OR2L13: variants seen among roughly 807,000 people sequenced by gnomAD.
OR2L13 encodes olfactory receptor 2L13.
OR2L13 carries 14 observed loss-of-function variants against 15.3 expected under a neutral mutation model. The observed-to-expected ratio is 0.91, with a 90% CI of 0.60 to 1.43. OR2L13 has a LOEUF of 1.43. Ranked by LOEUF, OR2L13 falls within the 40% of genes most tolerant of loss-of-function variation. The pLI, the probability that OR2L13 is intolerant of heterozygous loss-of-function variation, is 0.00. For missense variants in OR2L13, 367 were observed against 387.9 expected (o/e 0.95, Z 0.45); for synonymous variants, 152 against 142.9 (o/e 1.06, Z -0.45).
chr1:248,062,559 C>G, the OR2L13 span: 1 of 151,974 alleles, frequency 6.6e-6, no homozygotes, highest in African/African-American at 2.4e-5. Flanking sequence ...TGATGGTCAC[C>G]AGAGGGTGGG....
chr1:247,955,980 G>T, the OR2L13 span, among the ~76,000 whole-genome samples: 1 of 147,504 alleles, frequency 6.8e-6, no homozygotes, highest in African/African-American at 2.5e-5. Flanking sequence ...GGCTTTTGTT[G>T]CCATTGCTTT....
the OR2L13 span, among the ~76,000 whole-genome samples, chr1:247,989,333 T>C: frequency 6.6e-6 from 1 of 152,170 alleles, no homozygotes; most frequent in African/African-American, 2.4e-5. Flanking sequence ...GCTGCAGTTT[T>C]AAAGAATAAA....
chr1:247,960,216 G>A, the OR2L13 span, among the ~76,000 whole-genome samples: 2 of 152,188 alleles, frequency 1.3e-5, no homozygotes, highest in African/African-American at 4.8e-5. Context: ...TCCAGACCCT[G>A]TTTACCTGGG....
the OR2L13 span, among the ~76,000 whole-genome samples, chr1:247,994,224 C>T: frequency 3.9e-5 from 6 of 152,150 alleles, no homozygotes; most frequent in African/African-American, 7.2e-5. Flanking sequence ...GTGAAAACCC[C>T]GTCTCTACTA....
chr1:248,070,600 G>C, the OR2L13 span, among the ~76,000 whole-genome samples: 1 of 152,100 alleles, frequency 6.6e-6, no homozygotes, highest in South Asian at 2.1e-4. Flanking sequence ...TCAAACGCTA[G>C]CAGAAGGCAA....
At chr1:247,993,053 T>C in the OR2L13 span, among the ~76,000 whole-genome samples, 1 of 152,174 alleles carries the variant, frequency 6.6e-6, no homozygotes, top group Non-Finnish European at 1.5e-5. Flanking sequence ...TTTGATTTTT[T>C]AATTATAGCC....
At chr1:247,978,609 T>C in the OR2L13 span, among the ~76,000 whole-genome samples, 1 of 152,232 alleles carries the variant, frequency 6.6e-6, no homozygotes, top group Non-Finnish European at 1.5e-5. Flanking sequence ...AACAGGTCAC[T>C]TTTATTTACA....
chr1:247,970,083 G>T, the OR2L13 span, among the ~76,000 whole-genome samples: 706 of 152,268 alleles, frequency 4.6e-3, 8 homozygotes, highest in African/African-American at 0.016. Context: ...GAAAACCTGT[G>T]TTGCCAGGGA....
the OR2L13 span, among the ~76,000 whole-genome samples, chr1:248,031,583 A>G: frequency 6.6e-6 from 1 of 152,022 alleles, no homozygotes; most frequent in Non-Finnish European, 1.5e-5. Context: ...TTTTCTATCC[A>G]ATGGTCTGGC....
the OR2L13 span, among the ~76,000 whole-genome samples, chr1:247,996,527 T>C: frequency 6.6e-6 from 1 of 152,214 alleles, no homozygotes; most frequent in Non-Finnish European, 1.5e-5. Context: ...TTTTGTGCTT[T>C]GTACTGTAGA....
the OR2L13 span, chr1:247,965,834 C>T: frequency 9.9e-6 from 16 of 1,613,242 alleles, no homozygotes; most frequent in Admixed American, 2.7e-4. Context: ...GCCAGTGGTT[C>T]TATCAATGCT....
At chr1:248,061,714 G>A in the OR2L13 span, 1 of 1,169,674 alleles carries the variant, frequency 8.5e-7, no homozygotes, top group Non-Finnish European at 1.2e-6. Flanking sequence ...GAGTTCAGGA[G>A]CTAAAAGTAA....
chr1:248,057,344 A>G, the OR2L13 span, among the ~76,000 whole-genome samples: 1 of 152,094 alleles, frequency 6.6e-6, no homozygotes, highest in Non-Finnish European at 1.5e-5. Context: ...AAATATTTAC[A>G]ATGGTTAGAA....
At chr1:247,966,149 C>T in the OR2L13 span, 1 of 1,614,154 alleles carries the variant, frequency 6.2e-7, no homozygotes, top group Non-Finnish European at 8.5e-7. Flanking sequence ...ACTCTCTTTA[C>T]CTACACAAGG....
chr1:248,061,049 T>C, the OR2L13 span: 1 of 1,614,124 alleles, frequency 6.2e-7, no homozygotes, highest in Non-Finnish European at 8.5e-7. Context: ...GATCGTTACA[T>C]TGCTATTTGC....
the OR2L13 span, among the ~76,000 whole-genome samples, chr1:248,048,593 C>T: frequency 1.3e-5 from 2 of 152,076 alleles, no homozygotes; most frequent in African/African-American, 2.4e-5. Flanking sequence ...CAGGTACAGA[C>T]AGCTTGTTTT....
chr1:247,968,433 T>G, the OR2L13 span, among the ~76,000 whole-genome samples: 32 of 152,212 alleles, frequency 2.1e-4, no homozygotes, highest in African/African-American at 5.8e-4. Flanking sequence ...CCATGTTGGT[T>G]TGCTGCACCC....
chr1:248,042,543 AAAC>A, the OR2L13 span, among the ~76,000 whole-genome samples: 4 of 152,050 alleles, frequency 2.6e-5, no homozygotes, highest in Non-Finnish European at 5.9e-5. Context: ...AATTGCAAAA[AAAC>A]AAAAAACAAA....
chr1:248,039,017 C>A, the OR2L13 span: 1 of 1,614,118 alleles, frequency 6.2e-7, no homozygotes, highest in Non-Finnish European at 8.5e-7. Context: ...TGTCCTTCTA[C>A]TATGCACCCT....
Sources: allele counts gnomAD v4.1 joint callset (sites outside exome capture counted in the v4.1 genomes callset), GRCh38; gene constraint gnomAD v4.1.1; transcripts MANE v1.5; gene names NCBI Gene and HGNC (gene_info 2026-07-23, HGNC 2026-07-21).